VRK2: variants seen among roughly 807,000 people sequenced by gnomAD.
VRK2 encodes the protein serine/threonine-protein kinase VRK2.
Under a neutral mutation model 57.6 loss-of-function variants are expected in VRK2, and 60 were observed. That is an observed-to-expected ratio of 1.04 (90% CI 0.85 to 1.29). VRK2 has a LOEUF of 1.29. Among genes scored for constraint, VRK2 ranks in the 50% most tolerant of loss-of-function variants. VRK2 has a pLI of 0.00. For missense variants in VRK2, 705 were observed against 588.1 expected, an observed-to-expected ratio of 1.20 and a Z score of -2.06; for synonymous variants, 231 against 199.2, an observed-to-expected ratio of 1.16 and a Z score of -1.35.
intron 12 of VRK2, among the ~76,000 whole-genome samples, chr2:58,149,991 CTTTTCTTTT>C (rs1047220775): frequency 9.7e-6 from 1 of 102,580 alleles, no homozygotes; most frequent in Non-Finnish European, 2.0e-5. Flanking sequence ...TTTTCTTTTT[CTTTTCTTTT>C]TTTTTTTTTT....
At chr2:58,159,314 TAACA>T (rs748896681) in intron 12 of VRK2, 31 bp from the exon 13 acceptor site, 521 of 1,506,482 alleles carry the variant, frequency 3.5e-4, no homozygotes, top group Non-Finnish European at 4.5e-4. Context: ...AACTCACGTC[TAACA>T]AACTAAACTA....
chr2:57,916,587 G>A (rs1394599323), intron 1 of VRK2, among the ~76,000 whole-genome samples: 1 of 151,906 alleles, frequency 6.6e-6, no homozygotes, highest in Non-Finnish European at 1.5e-5. Flanking sequence ...TTTCATGTAT[G>A]ATATTGGTTT....
chr2:58,044,350 G>T (rs1340139405), upstream of VRK2, among the ~76,000 whole-genome samples: 1 of 152,082 alleles, frequency 6.6e-6, no homozygotes, highest in African/African-American at 2.4e-5. Flanking sequence ...ATTTTGTACT[G>T]TCTAAACCAA....
At chr2:58,094,250 T>C (rs1672798915) in intron 7 of VRK2, among the ~76,000 whole-genome samples, 1 of 152,096 alleles carries the variant, frequency 6.6e-6, no homozygotes, top group Admixed American at 6.5e-5. Flanking sequence ...ATAAATTACC[T>C]TGGGCAGTAT....
intron 1 of VRK2, among the ~76,000 whole-genome samples, chr2:57,964,259 T>G (rs1166697887): frequency 6.6e-6 from 1 of 152,154 alleles, no homozygotes; most frequent in Non-Finnish European, 1.5e-5. Flanking sequence ...ATTCTTATAA[T>G]AAAGTAAGCT....
chr2:58,095,738 T>C (rs1268074311), intron 7 of VRK2, among the ~76,000 whole-genome samples: 1 of 152,168 alleles, frequency 6.6e-6, no homozygotes, highest in Non-Finnish European at 1.5e-5. Flanking sequence ...TTACAGTTCT[T>C]GTATTTAATT....
chr2:57,944,178 C>G (rs1338395312), intron 1 of VRK2, among the ~76,000 whole-genome samples: 1 of 152,222 alleles, frequency 6.6e-6, no homozygotes, highest in Non-Finnish European at 1.5e-5. Context: ...TGCTTCATGA[C>G]ATCCATCTTT....
chr2:58,064,492 G>A (rs1187682009), intron 2 of VRK2, among the ~76,000 whole-genome samples: 1 of 152,056 alleles, frequency 6.6e-6, no homozygotes, highest in African/African-American at 2.4e-5. Context: ...TTTAAATTAA[G>A]GCATGTACGT....
At chr2:58,062,294 A>G (rs2103904314) in intron 2 of VRK2, among the ~76,000 whole-genome samples, 1 of 152,074 alleles carries the variant, frequency 6.6e-6, no homozygotes, top group South Asian at 2.1e-4. Flanking sequence ...CCATGCTCCC[A>G]TCATTCTCCC....
chr2:57,986,893 C>G (rs1445483584), intron 1 of VRK2, among the ~76,000 whole-genome samples: 1 of 152,102 alleles, frequency 6.6e-6, no homozygotes, highest in African/African-American at 2.4e-5. Flanking sequence ...ACCATCGTGC[C>G]CAGCCTCAAT....
At position 58,046,887 on chromosome 2, in the gene VRK2, G is replaced by T. The variant is rs1191907167; in HGVS notation, c.-6+19G>T. On this transcript the variant is annotated intron_variant, in intron 1 of 12. Transcript: ENST00000340157. ...AGGCCCGGTCAGTCTCTTGCTCTGGGGTCTTGGGTGGCGGGCGGCACCTCC... is the reference window on the plus strand; with the variant it reads ...AGGCCCGGTCAGTCTCTTGCTCTGGTGTCTTGGGTGGCGGGCGGCACCTCC... 1.0e-6 allele frequency: 1 copy of T among 985,380 alleles called. No homozygotes were observed. The highest frequency in any genetic ancestry group is 1.7e-5 in the African/African-American group (1 of 57,370). 61.0% of individuals were successfully genotyped at this position (985,380 alleles called of 1,614,324 possible).
intron 2 of VRK2, among the ~76,000 whole-genome samples, chr2:58,031,268 T>C (rs1450419216): frequency 1.3e-5 from 2 of 152,004 alleles, no homozygotes; most frequent in African/African-American, 4.8e-5. Flanking sequence ...AAAGTAGACT[T>C]AGAAGGAATA....
chr2:58,128,207 A>G (rs1196931447), intron 8 of VRK2, among the ~76,000 whole-genome samples: 1 of 152,154 alleles, frequency 6.6e-6, no homozygotes, highest in Admixed American at 6.6e-5. Flanking sequence ...CAAAACAACT[A>G]TTTTTGTGTC....
chr2:58,117,681 A>T (rs1016612098), intron 7 of VRK2, among the ~76,000 whole-genome samples: 4 of 152,202 alleles, frequency 2.6e-5, no homozygotes, highest in Non-Finnish European at 5.9e-5. Context: ...TAGATCTTGT[A>T]GGATGGAAAA....
intron 8 of VRK2, among the ~76,000 whole-genome samples, chr2:58,128,769 A>G (rs1447128648): frequency 2.6e-5 from 4 of 152,330 alleles, no homozygotes; most frequent in African/African-American, 4.8e-5. Flanking sequence ...TTACTTGTCA[A>G]TAGGGCTAAT....
At chr2:58,149,606 T>C (rs1228208053) in intron 12 of VRK2, among the ~76,000 whole-genome samples, 4 of 151,624 alleles carry the variant, frequency 2.6e-5, no homozygotes, top group African/African-American at 9.7e-5. Flanking sequence ...TGGCCATCCT[T>C]GCTTGGTTCC....
intron 1 of VRK2, among the ~76,000 whole-genome samples, chr2:57,954,525 C>T (rs1241497627): frequency 6.6e-6 from 1 of 151,936 alleles, no homozygotes; most frequent in East Asian, 1.9e-4. Context: ...CTTCAATATG[C>T]AGTGTTTTTT....
chr2:58,015,519 T>C (rs1673554348), intron 1 of VRK2, among the ~76,000 whole-genome samples: 1 of 152,178 alleles, frequency 6.6e-6, no homozygotes, highest in African/African-American at 2.4e-5. Context: ...ATGAAAAGCA[T>C]CTGGCACTTA....
Position 58,086,377 on chromosome 2 carries a change from G to C in VRK2, c.295G>C (p.Gly99Arg). Residue 99 changes from glycine to arginine, a missense_variant, in exon 5 of 13, where the codon GGA becomes CGA. Transcript: ENST00000340157. Reference protein sequence around the residue: ...WIERKQLDYLGIPLFYGSGLT... With the variant: ...WIERKQLDYLRIPLFYGSGLT... The stretch of plus-strand genomic sequence containing the variant: ...AGAACGCAAACAACTTGATTATTTA[G>C]GAATTCCTCTGTTTTATGGATCTGG... 1 of 1,604,200 alleles carries C rather than the reference G, an allele frequency of 6.2e-7. No individual in the cohort carries two copies. The highest frequency in any genetic ancestry group is 8.5e-7 in the Non-Finnish European group (1 of 1,177,042).
Sources: allele counts gnomAD v4.1 joint callset (sites outside exome capture counted in the v4.1 genomes callset), GRCh38; gene constraint gnomAD v4.1.1; transcripts MANE v1.5; gene names NCBI Gene and HGNC (gene_info 2026-07-23, HGNC 2026-07-21).